Variants in CNTN4 observed in about 807,000 individuals in gnomAD.
CNTN4 encodes contactin 4.
CNTN4 carries 77 observed loss-of-function variants against 122.5 expected under a neutral mutation model. That is an observed-to-expected ratio of 0.63 (90% CI 0.52 to 0.76). CNTN4 has a LOEUF of 0.76. Among genes scored for constraint, CNTN4 ranks in the 30% least tolerant of loss-of-function variants. CNTN4 has a pLI of 0.00. For synonymous variants in CNTN4, 512 were observed against 447.0 expected (o/e 1.15, Z -1.83); for missense variants, 1,256 against 1,259.1 (o/e 1.00, Z 0.04).
chr3:2,290,915 C>G (rs575155982), intron 2 of CNTN4, among the ~76,000 whole-genome samples: 2 of 152,078 alleles, frequency 1.3e-5, no homozygotes, highest in East Asian at 3.9e-4. Flanking sequence ...AAAGAAAAAT[C>G]GACACTATAG....
intron 6 of CNTN4, among the ~76,000 whole-genome samples, chr3:2,791,192 G>A (rs1207611401): frequency 6.6e-6 from 1 of 152,104 alleles, no homozygotes; most frequent in African/African-American, 2.4e-5. Flanking sequence ...AATAATGGTG[G>A]TATTATTGTT....
intron 3 of CNTN4, among the ~76,000 whole-genome samples, chr3:2,407,017 A>G (rs958351819): frequency 1.3e-5 from 2 of 152,178 alleles, no homozygotes; most frequent in Non-Finnish European, 2.9e-5. Flanking sequence ...TGCACTTATT[A>G]GGATTTTTTT....
At chr3:2,933,182 A>G (rs2151439522) in intron 13 of CNTN4, among the ~76,000 whole-genome samples, 1 of 152,210 alleles carries the variant, frequency 6.6e-6, no homozygotes, top group East Asian at 1.9e-4. Flanking sequence ...TTTACGTGTG[A>G]AAAGAGGGCA....
chr3:2,714,170 T>C (rs2087333849), intron 4 of CNTN4, among the ~76,000 whole-genome samples: 1 of 152,136 alleles, frequency 6.6e-6, no homozygotes, highest in Admixed American at 6.5e-5. Context: ...TTTTATCTGA[T>C]TGTTCTCTAA....
intron 3 of CNTN4, among the ~76,000 whole-genome samples, chr3:2,368,122 T>C (rs923744377): frequency 3.4e-5 from 5 of 147,486 alleles, no homozygotes; most frequent in East Asian, 2.1e-4. Flanking sequence ...AAGCTCTGCC[T>C]CCTGGGTTCA....
At chr3:3,036,765 A>C (rs934728954) in intron 17 of CNTN4, among the ~76,000 whole-genome samples, 1 of 124,990 alleles carries the variant, frequency 8.0e-6, no homozygotes, top group Non-Finnish European at 1.8e-5. Flanking sequence ...AGAGAGAGAG[A>C]GACCCTGTCT....
rs142143190 is a variant in CNTN4 at position 2,270,996 on chromosome 3, A to G, written c.-144-68182A>G. On this transcript the variant is annotated intron_variant, in intron 2 of 24. Coordinates refer to ENST00000418658, the MANE Select transcript of CNTN4 (RefSeq NM_175607.3). Reference sequence around the variant, plus strand: ...TCTGTTTTTCTTTGTATAAATCTGAATATTAATTAGACCACTGCTTATTAA... The same window carrying G: ...TCTGTTTTTCTTTGTATAAATCTGAGTATTAATTAGACCACTGCTTATTAA... 5.3e-5 allele frequency among the ~76,000 whole-genome samples: 8 copies of G among 152,284 alleles called. No individual in the cohort carries two copies. In the East Asian group the frequency reaches 1.5e-3, roughly 29 times the overall value.
intron 3 of CNTN4, among the ~76,000 whole-genome samples, chr3:2,520,256 T>G (rs1575832320): frequency 7.2e-6 from 1 of 138,386 alleles, no homozygotes; most frequent in Non-Finnish European, 1.5e-5. Flanking sequence ...TGGTGATTGC[T>G]TCCTTTTTTT....
intron 3 of CNTN4, among the ~76,000 whole-genome samples, chr3:2,352,723 C>G (rs1204422242): frequency 6.6e-6 from 1 of 152,218 alleles, no homozygotes; most frequent in Non-Finnish European, 1.5e-5. Flanking sequence ...CCACCCCCTG[C>G]TCTGTGGCAC....
chr3:3,016,219 G>A (rs3907591), intron 14 of CNTN4, among the ~76,000 whole-genome samples: 72,716 of 151,980 alleles, frequency 0.48, 18,302 homozygotes, highest in Middle Eastern at 0.62. Flanking sequence ...GTCATTGACA[G>A]TAGTCTTTTC....
chr3:2,389,074 T>C (rs2046351211), intron 3 of CNTN4, among the ~76,000 whole-genome samples: 1 of 151,352 alleles, frequency 6.6e-6, no homozygotes, highest in Non-Finnish European at 1.5e-5. Flanking sequence ...GGCAGGAGAA[T>C]CTCTTGAACC....
intron 11 of CNTN4, among the ~76,000 whole-genome samples, chr3:2,901,790 T>A (rs115451866): frequency 6.6e-6 from 1 of 152,156 alleles, no homozygotes; most frequent in Non-Finnish European, 1.5e-5. Context: ...TGGGAGTTTA[T>A]GTAGCTGGGG....
chr3:2,769,124 C>T (rs936926593), intron 6 of CNTN4, among the ~76,000 whole-genome samples: 1 of 152,070 alleles, frequency 6.6e-6, no homozygotes, highest in Non-Finnish European at 1.5e-5. Flanking sequence ...CCAAAACTTA[C>T]CTATACTGAA....
chr3:2,804,200 A>G (rs2675314), intron 6 of CNTN4, among the ~76,000 whole-genome samples: 150,416 of 152,208 alleles, frequency 0.99, 74,353 homozygotes, highest in East Asian at 1. Flanking sequence ...ATTACTGGCA[A>G]TGCTTCATTT....
chr3:2,203,438 A>G (rs1178013583), intron 2 of CNTN4, among the ~76,000 whole-genome samples: 1 of 151,806 alleles, frequency 6.6e-6, no homozygotes, highest in East Asian at 1.9e-4. Context: ...TGGCCCAGAT[A>G]CCTCTCCTTC....
At chr3:2,660,265 A>T (rs2083817181) in intron 4 of CNTN4, among the ~76,000 whole-genome samples, 1 of 152,208 alleles carries the variant, frequency 6.6e-6, no homozygotes, top group Admixed American at 6.5e-5. Flanking sequence ...TTTTAAAAAA[A>T]GAAATAGAGT....
chr3:2,446,292 C>T (rs950275930), intron 3 of CNTN4, among the ~76,000 whole-genome samples: 3 of 152,110 alleles, frequency 2.0e-5, no homozygotes, highest in African/African-American at 7.2e-5. Flanking sequence ...GTGGCACGGT[C>T]CTGTTTTTAT....
At chr3:2,627,568 A>G (rs1017218611) in intron 4 of CNTN4, among the ~76,000 whole-genome samples, 7 of 141,212 alleles carry the variant, frequency 5.0e-5, no homozygotes, top group South Asian at 4.4e-4. Flanking sequence ...ATCTCGGCTC[A>G]CTGCAAGCTC....
chr3:2,676,464 C>T (rs957267218), intron 4 of CNTN4, among the ~76,000 whole-genome samples: 3 of 152,150 alleles, frequency 2.0e-5, no homozygotes, highest in Non-Finnish European at 4.4e-5. Flanking sequence ...TCAAGTGATC[C>T]GGCTGCCTCG....
Sources: allele counts gnomAD v4.1 joint callset (sites outside exome capture counted in the v4.1 genomes callset), GRCh38; gene constraint gnomAD v4.1.1; transcripts MANE v1.5; gene names NCBI Gene and HGNC (gene_info 2026-07-23, HGNC 2026-07-21).